Variants in HPSE2 observed in about 807,000 individuals in gnomAD.
HPSE2 encodes heparanase 2 (inactive), also known as inactive heparanase-2.
Under a neutral mutation model 60.5 loss-of-function variants are expected in HPSE2, and 38 were observed. The observed-to-expected ratio is 0.63, with a 90% confidence interval of 0.48 to 0.82. The LOEUF (loss-of-function observed/expected upper bound fraction) is 0.82. Ranked by LOEUF, HPSE2 falls within the 40% of genes least tolerant of loss-of-function variation. The pLI is 0.00. For synonymous variants in HPSE2, 295 were observed against 293.2 expected (o/e 1.01, Z -0.06); for missense variants, 713 against 740.4 (o/e 0.96, Z 0.43).
intron 3 of HPSE2, among the ~76,000 whole-genome samples, chr10:99,070,612 T>A (rs1049327193): frequency 1.3e-5 from 2 of 152,224 alleles, no homozygotes; most frequent in African/African-American, 2.4e-5. Context: ...AACTTATTCA[T>A]CTTGTATAAC....
intron 6 of HPSE2, among the ~76,000 whole-genome samples, chr10:98,685,716 T>G (rs1399887701): frequency 6.6e-6 from 1 of 152,200 alleles, no homozygotes; most frequent in Non-Finnish European, 1.5e-5. Context: ...AAACATCTTG[T>G]AAAAGTTTTT....
chr10:98,659,936 G>A (rs1456914544), intron 6 of HPSE2, among the ~76,000 whole-genome samples: 2 of 152,144 alleles, frequency 1.3e-5, no homozygotes, highest in African/African-American at 4.8e-5. Context: ...TAGGAGACTT[G>A]GTATTGCTAA....
chr10:98,680,179 C>T (rs931957702), intron 6 of HPSE2, among the ~76,000 whole-genome samples: 2 of 152,172 alleles, frequency 1.3e-5, no homozygotes, highest in Non-Finnish European at 2.9e-5. Context: ...TACCCAGTGG[C>T]ACTTCCCAAC....
chr10:98,930,859 T>C (rs1264143302), intron 3 of HPSE2, among the ~76,000 whole-genome samples: 1 of 144,484 alleles, frequency 6.9e-6, no homozygotes, highest in Non-Finnish European at 1.5e-5. Context: ...TTGTAGATTC[T>C]GGATATTAGC....
intron 9 of HPSE2, among the ~76,000 whole-genome samples, chr10:98,600,926 T>TATA (rs1945401953): frequency 2.8e-5 from 3 of 107,898 alleles, no homozygotes; most frequent in South Asian, 3.3e-4. Flanking sequence ...TATATATATA[T>TATA]ATATATATAT....
intron 2 of HPSE2, among the ~76,000 whole-genome samples, chr10:99,154,154 T>C (rs1347029479): frequency 1.4e-5 from 2 of 141,416 alleles, no homozygotes; most frequent in African/African-American, 2.5e-5. Context: ...ATGGGGAGAA[T>C]GGAACCAAGT....
chr10:99,053,909 G>A (rs1378323712), intron 3 of HPSE2, among the ~76,000 whole-genome samples: 1 of 142,492 alleles, frequency 7.0e-6, no homozygotes, highest in African/African-American at 2.6e-5. Context: ...TTTTTTTTTT[G>A]TATTTTAGTA....
chr10:98,519,650 G>A (rs1320845705), intron 9 of HPSE2, among the ~76,000 whole-genome samples: 11 of 152,186 alleles, frequency 7.2e-5, no homozygotes, highest in Admixed American at 7.2e-4. Context: ...GCCCAGGGTG[G>A]GCATCATGCT....
intron 11 of HPSE2, among the ~76,000 whole-genome samples, chr10:98,471,847 A>T (rs1433315169): frequency 6.6e-6 from 1 of 152,214 alleles, no homozygotes; most frequent in Non-Finnish European, 1.5e-5. Context: ...CTATAAAATC[A>T]TTCAGATTTC....
At chr10:99,196,756 T>C (rs1330246722) in intron 2 of HPSE2, among the ~76,000 whole-genome samples, 1 of 152,160 alleles carries the variant, frequency 6.6e-6, no homozygotes, top group Non-Finnish European at 1.5e-5. Flanking sequence ...CCTTGTACAT[T>C]GCTGGTGCTG....
intron 2 of HPSE2, among the ~76,000 whole-genome samples, chr10:99,178,616 A>G (rs1266969337): frequency 6.6e-6 from 1 of 152,204 alleles, no homozygotes; most frequent in Non-Finnish European, 1.5e-5. Flanking sequence ...TCTGAAATTG[A>G]GGTAATAGTT....
At chr10:98,839,936 C>T (rs1951872736) in intron 3 of HPSE2, among the ~76,000 whole-genome samples, 1 of 152,190 alleles carries the variant, frequency 6.6e-6, no homozygotes, top group African/African-American at 2.4e-5. Context: ...AGAAACATTA[C>T]ATGTAACAAT....
At chr10:98,957,448 G>C (rs1955538050) in intron 3 of HPSE2, among the ~76,000 whole-genome samples, 2 of 152,156 alleles carry the variant, frequency 1.3e-5, no homozygotes, top group African/African-American at 4.8e-5. Flanking sequence ...CATGAAGTCA[G>C]AAGACTGGCA....
chr10:98,675,266 T>C (rs1195876790), intron 6 of HPSE2, among the ~76,000 whole-genome samples: 1 of 152,158 alleles, frequency 6.6e-6, no homozygotes, highest in Non-Finnish European at 1.5e-5. Flanking sequence ...TCTCACCTTC[T>C]AAAAGATCAC....
intron 3 of HPSE2, among the ~76,000 whole-genome samples, chr10:98,852,621 A>T (rs1952208716): frequency 6.6e-6 from 1 of 152,206 alleles, no homozygotes; most frequent in East Asian, 1.9e-4. Context: ...TCAGTCTATT[A>T]GTATTAGATC....
chr10:98,813,292 C>T (rs1291666802), intron 3 of HPSE2, among the ~76,000 whole-genome samples: 1 of 152,116 alleles, frequency 6.6e-6, no homozygotes, highest in African/African-American at 2.4e-5. Flanking sequence ...ATTTTTCTTC[C>T]TATACATCAA....
chr10:99,257,471 G>A, the HPSE2 span, among the ~76,000 whole-genome samples: 6 of 152,146 alleles, frequency 3.9e-5, no homozygotes, highest in Admixed American at 6.5e-5. Flanking sequence ...TTTTATGGTC[G>A]AAGCTGTAGG....
At chr10:99,068,499 G>T (rs1316353338) in intron 3 of HPSE2, among the ~76,000 whole-genome samples, 1 of 152,154 alleles carries the variant, frequency 6.6e-6, no homozygotes, top group Non-Finnish European at 1.5e-5. Context: ...GATCTTGTGA[G>T]ACTTATTCAC....
At chr10:98,530,183 G>A (rs1943086951) in intron 9 of HPSE2, among the ~76,000 whole-genome samples, 2 of 152,176 alleles carry the variant, frequency 1.3e-5, no homozygotes, top group Non-Finnish European at 1.5e-5. Flanking sequence ...ATATACATGG[G>A]GATGAGGTGG....
Sources: gnomAD v4.1 joint callset for allele counts (sites outside exome capture counted in the v4.1 genomes callset) on GRCh38, gnomAD v4.1.1 for gene constraint, MANE v1.5 for transcripts, NCBI Gene and HGNC (gene_info 2026-07-23, HGNC 2026-07-21) for gene names.